ITPR1: variants seen among roughly 807,000 people sequenced by gnomAD.
ITPR1 encodes the protein inositol 1,4,5-trisphosphate receptor type 1.
ITPR1 carries 96 observed loss-of-function variants against 318.4 expected under a neutral mutation model. The ratio of observed to expected loss-of-function variants is 0.30; its 90% confidence interval spans 0.26 to 0.36. ITPR1 has a LOEUF of 0.36. Among genes scored for constraint, ITPR1 ranks in the 10% least tolerant of loss-of-function variants. The pLI is 1.00. For missense variants in ITPR1, 2,440 were observed against 3,460.2 expected (o/e 0.71, Z 7.40); for synonymous variants, 1,312 against 1,289.9 (o/e 1.02, Z -0.37).
chr3:4,582,449 G>A lies in ITPR1; in HGVS notation c.164-45314G>A, dbSNP rs1318697963. ...TGGTCACCTCCTCTTCTCCCCACGC[G>A]TCCATGTGTATGCACTCAGCCTGTT... is the stretch of plus-strand genomic sequence containing the variant. On this transcript the variant is annotated intron_variant, in intron 4 of 61. Transcript: ENST00000649015. Among the ~76,000 whole-genome samples the A allele has an allele frequency of 2.0e-5, 3 of 152,072 alleles. No homozygotes were observed. In the South Asian group the frequency reaches 6.2e-4, roughly 32 times the overall value.
chr3:4,639,617 T>A, intron 6 of ITPR1, 147 bp downstream of exon 6: 1 of 651,988 alleles, frequency 1.5e-6, no homozygotes, highest in South Asian at 1.8e-5. Flanking sequence ...TAGTGTTTCT[T>A]GTTAGATGTG....
At chr3:4,558,484 G>A (rs1268341042) in intron 4 of ITPR1, among the ~76,000 whole-genome samples, 2 of 152,088 alleles carry the variant, frequency 1.3e-5, no homozygotes, top group Admixed American at 6.6e-5. Context: ...ATAGACAATA[G>A]ATGGTAAGGA....
At chr3:4,811,085 C>G (rs988878300) in intron 55 of ITPR1, among the ~76,000 whole-genome samples, 180 bp from the exon 56 acceptor site, 2 of 152,022 alleles carry the variant, frequency 1.3e-5, no homozygotes, top group African/African-American at 4.8e-5. Flanking sequence ...TTTATTTTTC[C>G]TCATTTTTAC....
At chr3:4,768,422 G>C (rs2045957167) in intron 45 of ITPR1, 89 bp from the exon 46 acceptor site, 1 of 1,407,134 alleles carries the variant, frequency 7.1e-7, no homozygotes, top group Non-Finnish European at 9.6e-7. Context: ...GGAGATAAAG[G>C]AATGTAGGTT....
intron 32 of ITPR1, among the ~76,000 whole-genome samples, chr3:4,692,281 A>AT (rs2094492619): frequency 8.3e-6 from 1 of 120,270 alleles, no homozygotes; most frequent in Non-Finnish European, 2.1e-5. Context: ...ACATGAAGAT[A>AT]CGCAGATTTC....
At chr3:4,699,240 C>T (rs2125259217) in intron 34 of ITPR1, among the ~76,000 whole-genome samples, 1 of 151,978 alleles carries the variant, frequency 6.6e-6, no homozygotes, top group Non-Finnish European at 1.5e-5. Context: ...ACCTGTAATC[C>T]CAGCTACTTG....
intron 12 of ITPR1, among the ~76,000 whole-genome samples, chr3:4,657,469 ATT>A (rs61012467): frequency 1.3e-4 from 17 of 127,186 alleles, no homozygotes; most frequent in South Asian, 2.5e-4. Flanking sequence ...TTTTTGAAAG[ATT>A]TTTTTTTTTT....
chr3:4,667,079 T>C (rs1485345437), intron 17 of ITPR1, among the ~76,000 whole-genome samples: 2 of 152,228 alleles, frequency 1.3e-5, no homozygotes, highest in Non-Finnish European at 2.9e-5. Flanking sequence ...TTGGACCTTT[T>C]TGAAAAATAA....
At chr3:4,560,093 AT>A (rs1159956251) in intron 4 of ITPR1, among the ~76,000 whole-genome samples, 1 of 152,166 alleles carries the variant, frequency 6.6e-6, no homozygotes, top group African/African-American at 2.4e-5. Flanking sequence ...ATAAGATTAA[AT>A]GGTTTCCTAT....
At chr3:4,684,150 A>G (rs1187462260) in intron 28 of ITPR1, 131 bp from the exon 29 acceptor site, 20 of 679,878 alleles carry the variant, frequency 2.9e-5, no homozygotes, top group Non-Finnish European at 4.7e-5. Context: ...TGACTGGGGC[A>G]TAAGCCCAGC....
At chr3:4,667,977 GA>G (rs2093986886) in intron 18 of ITPR1, among the ~76,000 whole-genome samples, 1 of 152,126 alleles carries the variant, frequency 6.6e-6, no homozygotes, top group Non-Finnish European at 1.5e-5. Flanking sequence ...TGGGGTACAT[GA>G]GATGTTTTGA....
At position 4,642,378 on chromosome 3, in the gene ITPR1, T is replaced by C. The variant is rs564388172; in HGVS notation, c.525+127T>C. ...CTTGTCCTGTGTAAAGAGAAGGGAA[T>C]TGCTATGGAAACTAGTGTTTGGGAA... On this transcript the variant is annotated intron_variant, in intron 7 of 61. Coordinates refer to ENST00000649015, the MANE Select transcript of ITPR1 (RefSeq NM_001378452.1). The C allele has an allele frequency of 4.1e-5, 25 of 605,390 alleles. No individual in the cohort carries two copies. In the South Asian group the frequency reaches 1.5e-3, roughly 37 times the overall value. The allele number at this position is 605,390 out of a possible 1,614,324, so 37.5% of individuals were successfully genotyped here. A position where few individuals can be genotyped will look rare whatever the true frequency, so the allele number is the denominator to read the frequency against.
At chr3:4,800,094 A>T in intron 53 of ITPR1, 1 of 325,854 alleles carries the variant, frequency 3.1e-6, no homozygotes, top group Non-Finnish European at 5.6e-6. Context: ...GACTGGAAGC[A>T]GGGAGTACGG....
At chr3:4,711,197 C>T (rs967145109) in intron 38 of ITPR1, among the ~76,000 whole-genome samples, 3 of 120,430 alleles carry the variant, frequency 2.5e-5, no homozygotes, top group Non-Finnish European at 4.8e-5. Flanking sequence ...GGTGGCAGAA[C>T]GAGACCTTGT....
chr3:4,649,606 A>G (rs1575897992), intron 10 of ITPR1, among the ~76,000 whole-genome samples: 1 of 152,202 alleles, frequency 6.6e-6, no homozygotes, highest in Non-Finnish European at 1.5e-5. Flanking sequence ...ACAGAATCCT[A>G]TCATATATGG....
chr3:4,588,942 T>C (rs879895918), intron 4 of ITPR1, among the ~76,000 whole-genome samples: 4 of 152,180 alleles, frequency 2.6e-5, no homozygotes, highest in Admixed American at 6.5e-5. Flanking sequence ...TCTCACCACC[T>C]AGTCTACAGC....
chr3:4,653,859 G>A lies in ITPR1; in HGVS notation c.969G>A (p.Glu323=), dbSNP rs1443577897. Residue 323 remains glutamate (E), a synonymous_variant, in exon 12 of 62, where the codon GAG becomes GAA. Coordinates refer to ENST00000649015, the MANE Select transcript of ITPR1 (RefSeq NM_001378452.1). ...TTCATCAGGTAGACCCTGACTTTGA[G>A]GAAGAATGCCTGGAGTTTCAGCCCT... ...YLAAEVDPDF[E]EECLEFQPSV... is the part of the protein sequence containing the mutation. 1 of 1,611,166 alleles carries A rather than the reference G, an allele frequency of 6.2e-7. No homozygotes were observed. The highest frequency in any genetic ancestry group is 1.7e-5 in the Admixed American group (1 of 59,802).
Position 4,728,409 on chromosome 3 carries a change from C to CT in ITPR1, c.5220+1237dup, listed in dbSNP as rs138103460. On this transcript the variant is annotated intron_variant, in intron 42 of 61. Transcript: ENST00000649015. ...CAAAAATGACCTGTCATTATGAAGA[C>CT]TGTCTTGGAACTATGGTCGTCGGTG... Among the ~76,000 whole-genome samples, 582 of 152,294 alleles carry CT rather than the reference C, an allele frequency of 3.8e-3. 4 individuals are homozygous for CT. Among genetic ancestry groups the CT allele is most frequent in the African/African-American group, 0.013 (558 of 41,554 alleles).
chr3:4,697,137 T>C lies in ITPR1; in HGVS notation c.4282-10T>C, dbSNP rs2094571505. 6.2e-7 allele frequency: 1 copy of C among 1,609,920 alleles called. No individual in the cohort carries two copies. Among genetic ancestry groups the C allele is most frequent in the Non-Finnish European group, 8.5e-7 (1 of 1,177,722 alleles). On this transcript the variant is annotated splice_polypyrimidine_tract_variant and intron_variant, in intron 33 of 61. Transcript: ENST00000649015. ...ATGGTTTTTCAGAAAAGCTTCTTTC[T>C]ATCTTGCAGGTTAAAATTGCATACA... is the stretch of plus-strand genomic sequence containing the variant.
Sources: gnomAD v4.1 joint callset for allele counts (sites outside exome capture counted in the v4.1 genomes callset) on GRCh38, gnomAD v4.1.1 for gene constraint, MANE v1.5 for transcripts, NCBI Gene and HGNC (gene_info 2026-07-23, HGNC 2026-07-21) for gene names.